Variants in WDPCP observed in about 807,000 individuals in gnomAD.
The protein encoded by WDPCP is WD repeat-containing and planar cell polarity effector protein fritz homolog.
WDPCP carries 71 observed loss-of-function variants against 93.1 expected under a neutral mutation model. The observed-to-expected ratio is 0.76, with a 90% CI of 0.63 to 0.93. The LOEUF (loss-of-function observed/expected upper bound fraction) is 0.93, where lower values mean the gene tolerates loss of function less well. Ranked by LOEUF, WDPCP falls within the 40% of genes least tolerant of loss-of-function variation. WDPCP has a pLI of 0.00. For synonymous variants in WDPCP, 315 were observed against 315.0 expected (o/e 1.00, Z 0.00); for missense variants, 844 against 887.4 (o/e 0.95, Z 0.62).
At chr2:63,217,912 T>C (rs897316920) in intron 14 of WDPCP, among the ~76,000 whole-genome samples, 9 of 152,200 alleles carry the variant, frequency 5.9e-5, no homozygotes, top group African/African-American at 1.9e-4. Flanking sequence ...AATCCCACAA[T>C]TGAACTCCTT....
chr2:63,144,945 GTGTTCCCTTGA>G (rs1671376062), intron 17 of WDPCP, among the ~76,000 whole-genome samples: 1 of 152,136 alleles, frequency 6.6e-6, no homozygotes, highest in African/African-American at 2.4e-5. Context: ...GTCCCACAGG[GTGTTCCCTTGA>G]TGTAGTACTC....
intron 1 of WDPCP, among the ~76,000 whole-genome samples, chr2:63,583,244 A>T (rs1034448130): frequency 3.3e-5 from 5 of 152,214 alleles, no homozygotes; most frequent in African/African-American, 1.2e-4. Context: ...AAATAAAGTT[A>T]CTGTCAATAA....
At chr2:63,622,641 C>T (rs1575732210) in intron 3 of WDPCP, 8 of 1,613,866 alleles carry the variant, frequency 5.0e-6, no homozygotes, top group Non-Finnish European at 6.8e-6. Flanking sequence ...CTTGGCCCAG[C>T]GTGGCATTCT....
intron 14 of WDPCP, among the ~76,000 whole-genome samples, chr2:63,211,844 C>T (rs990829025): frequency 2.6e-5 from 4 of 151,902 alleles, no homozygotes; most frequent in Admixed American, 2.6e-4. Flanking sequence ...GTAGCCAATT[C>T]GATCAAGTGG....
chr2:63,528,964 C>T (rs1703589205), intron 1 of WDPCP, among the ~76,000 whole-genome samples: 1 of 152,114 alleles, frequency 6.6e-6, no homozygotes, highest in South Asian at 2.1e-4. Context: ...GTATTTTATT[C>T]TCTTTGAAGG....
chr2:63,155,126 A>G (rs1672147567), intron 15 of WDPCP, among the ~76,000 whole-genome samples: 1 of 152,158 alleles, frequency 6.6e-6, no homozygotes, highest in Non-Finnish European at 1.5e-5. Flanking sequence ...CTTTTGAGGA[A>G]CAACAGTTGA....
At chr2:63,127,105 A>C (rs1669961860) in intron 17 of WDPCP, among the ~76,000 whole-genome samples, 1 of 149,288 alleles carries the variant, frequency 6.7e-6, no homozygotes, top group Non-Finnish European at 1.5e-5. Flanking sequence ...GAGATAAAGT[A>C]TGTTGACATA....
At chr2:63,706,168 C>T (rs1669148205) in intron 2 of WDPCP, among the ~76,000 whole-genome samples, 1 of 149,796 alleles carries the variant, frequency 6.7e-6, no homozygotes, top group Admixed American at 6.7e-5. Flanking sequence ...TCCTCCATCC[C>T]TTTATTTTGA....
chr2:63,664,764 G>A (rs1710264866), intron 2 of WDPCP, among the ~76,000 whole-genome samples: 1 of 152,160 alleles, frequency 6.6e-6, no homozygotes, highest in Non-Finnish European at 1.5e-5. Context: ...CAAGTTAGTT[G>A]AGCACCTATA....
Position 63,259,376 on chromosome 2 carries a change from A to G in WDPCP, c.1846T>C (p.Leu616=), listed in dbSNP as rs779790542. The G allele has an allele frequency of 2.5e-6, 4 of 1,612,288 alleles. No homozygotes were observed. The highest frequency in any genetic ancestry group is 1.3e-5 in the African/African-American group (1 of 74,892). ...IHYLALDKGE[L]ALAEVARKRA... is the part of the protein sequence containing the mutation. ...TTTCTTGCCACTTCAGCTAGTGCCA[A>G]TTCACCTTTATCTAGTGCAAGGTAA... Residue 616 remains leucine (L), a synonymous_variant, in exon 14 of 18, where the codon TTG becomes CTG. Transcript: ENST00000272321.
intron 2 of WDPCP, among the ~76,000 whole-genome samples, chr2:63,699,413 T>C (rs1222258523): frequency 6.6e-6 from 1 of 152,162 alleles, no homozygotes; most frequent in African/African-American, 2.4e-5. Context: ...GATGCAAGTA[T>C]TTAACTAAAA....
intron 14 of WDPCP, among the ~76,000 whole-genome samples, chr2:63,242,427 T>G (rs1679927772): frequency 6.6e-6 from 1 of 152,184 alleles, no homozygotes; most frequent in South Asian, 2.1e-4. Context: ...AAGAAGTTGT[T>G]TCTCCATGTT....
At chr2:63,799,536 C>T (rs1330517695) in intron 2 of WDPCP, among the ~76,000 whole-genome samples, 2 of 152,148 alleles carry the variant, frequency 1.3e-5, no homozygotes, top group Non-Finnish European at 2.9e-5. Flanking sequence ...TTTGTACCAA[C>T]ATCAGAGTCT....
intron 13 of WDPCP, among the ~76,000 whole-genome samples, chr2:63,300,355 G>C (rs1000405333): frequency 6.6e-6 from 1 of 152,158 alleles, no homozygotes. Flanking sequence ...TCAAAATGGT[G>C]AGTAGAGGGG....
chr2:63,542,351 G>T (rs1704810364), intron 1 of WDPCP, among the ~76,000 whole-genome samples: 1 of 152,102 alleles, frequency 6.6e-6, no homozygotes, highest in Admixed American at 6.6e-5. Flanking sequence ...AAACACTGCA[G>T]CTGCAAGAGC....
chr2:63,205,973 G>A (rs565971654), intron 14 of WDPCP, among the ~76,000 whole-genome samples: 1 of 152,194 alleles, frequency 6.6e-6, no homozygotes, highest in African/African-American at 2.4e-5. Flanking sequence ...GTCATATATG[G>A]CTTTTATTAA....
At chr2:63,276,660 C>T (rs187910552) in intron 13 of WDPCP, among the ~76,000 whole-genome samples, 45 of 152,222 alleles carry the variant, frequency 3.0e-4, no homozygotes, top group Non-Finnish European at 5.3e-4. Context: ...TTCAAATTAA[C>T]CCAATCCATC....
At chr2:63,677,618 C>G (rs1019172529) in intron 2 of WDPCP, among the ~76,000 whole-genome samples, 4 of 152,062 alleles carry the variant, frequency 2.6e-5, no homozygotes, top group African/African-American at 9.7e-5. Flanking sequence ...AGCTGAATTC[C>G]TAACAGAAAT....
chr2:63,833,208 A>G, the WDPCP span, among the ~76,000 whole-genome samples: 2 of 152,176 alleles, frequency 1.3e-5, no homozygotes, highest in African/African-American at 2.4e-5. Context: ...AGCTGAGGCT[A>G]TGCCACTGCA....
Sources: gnomAD v4.1 joint callset for allele counts (sites outside exome capture counted in the v4.1 genomes callset) on GRCh38, gnomAD v4.1.1 for gene constraint, MANE v1.5 for transcripts, NCBI Gene and HGNC (gene_info 2026-07-23, HGNC 2026-07-21) for gene names.